CTNND2: variants seen among roughly 807,000 people sequenced by gnomAD.
The protein encoded by CTNND2 is catenin delta 2, also known as catenin delta-2.
Under a neutral mutation model 144.4 loss-of-function variants are expected in CTNND2, and 22 were observed. That is an observed-to-expected ratio of 0.15 (90% CI 0.11 to 0.22). CTNND2 has a LOEUF of 0.22. Ranked by LOEUF, CTNND2 falls within the 10% of genes least tolerant of loss-of-function variation. The pLI is 1.00. For missense variants in CTNND2, 1,353 were observed against 1,618.8 expected, an observed-to-expected ratio of 0.84 and a Z score of 2.82; for synonymous variants, 751 against 695.6, an observed-to-expected ratio of 1.08 and a Z score of -1.25.
chr5:11,871,707 G>A (rs1271256294), intron 1 of CTNND2, among the ~76,000 whole-genome samples: 1 of 151,994 alleles, frequency 6.6e-6, no homozygotes, highest in Admixed American at 6.6e-5. Context: ...TCATAATGTT[G>A]TTCATATTTT....
chr5:11,003,816 C>T (rs1309370401), intron 18 of CTNND2, among the ~76,000 whole-genome samples: 1 of 152,124 alleles, frequency 6.6e-6, no homozygotes, highest in African/African-American at 2.4e-5. Flanking sequence ...CAAATAAATA[C>T]CACCTGACAT....
At chr5:11,899,545 G>C (rs1311918647) in intron 1 of CTNND2, among the ~76,000 whole-genome samples, 1 of 152,076 alleles carries the variant, frequency 6.6e-6, no homozygotes, top group Admixed American at 6.6e-5. Context: ...ATTACAATAG[G>C]GGTTGGGGTA....
At chr5:11,036,121 C>T (rs997806381) in intron 16 of CTNND2, among the ~76,000 whole-genome samples, 3 of 150,894 alleles carry the variant, frequency 2.0e-5, no homozygotes, top group Non-Finnish European at 4.4e-5. Context: ...TACTTGATAT[C>T]GTGTTAATTT....
chr5:11,019,478 T>A (rs1406890674), intron 17 of CTNND2, among the ~76,000 whole-genome samples: 1 of 152,234 alleles, frequency 6.6e-6, no homozygotes, highest in Non-Finnish European at 1.5e-5. Context: ...AGTTTTTGTT[T>A]CTATCTTTTG....
intron 21 of CTNND2, 128 bp downstream of exon 21, chr5:10,981,644 GC>G: frequency 1.2e-6 from 1 of 813,702 alleles, no homozygotes. Context: ...TGAGGAGAGG[GC>G]CTCAGGGGAC....
chr5:11,173,929 G>A (rs1760200369), intron 11 of CTNND2, among the ~76,000 whole-genome samples: 1 of 152,200 alleles, frequency 6.6e-6, no homozygotes, highest in East Asian at 1.9e-4. Flanking sequence ...AGAACAGGCT[G>A]AAGTGCGGTG....
At chr5:11,569,828 A>G (rs1330637663) in intron 2 of CTNND2, among the ~76,000 whole-genome samples, 3 of 152,150 alleles carry the variant, frequency 2.0e-5, no homozygotes, top group Non-Finnish European at 4.4e-5. Context: ...TGAGGGTATT[A>G]GGAGTTAGGG....
At chr5:11,101,939 C>A (rs964565299) in intron 14 of CTNND2, among the ~76,000 whole-genome samples, 8 of 130,888 alleles carry the variant, frequency 6.1e-5, no homozygotes, top group African/African-American at 2.6e-4. Flanking sequence ...ATCTTCACTC[C>A]TCAGGTTGCA....
At chr5:11,257,281 G>C (rs900334531) in intron 9 of CTNND2, among the ~76,000 whole-genome samples, 2 of 152,138 alleles carry the variant, frequency 1.3e-5, no homozygotes, top group African/African-American at 4.8e-5. Context: ...GCACCTAAGT[G>C]AATGATTAGC....
intron 2 of CTNND2, among the ~76,000 whole-genome samples, chr5:11,702,953 G>A (rs943898344): frequency 7.9e-5 from 12 of 152,088 alleles, no homozygotes; most frequent in South Asian, 2.1e-4. Flanking sequence ...ACCAACATCC[G>A]CAACACTCAG....
At chr5:11,325,591 TA>T (rs1293677396) in intron 9 of CTNND2, among the ~76,000 whole-genome samples, 1 of 152,160 alleles carries the variant, frequency 6.6e-6, no homozygotes, top group Non-Finnish European at 1.5e-5. Context: ...TATCAATCTC[TA>T]AACCTAAGAT....
chr5:11,072,666 G>A (rs962014230), intron 16 of CTNND2, among the ~76,000 whole-genome samples: 2 of 152,208 alleles, frequency 1.3e-5, no homozygotes, highest in African/African-American at 4.8e-5. Context: ...AGTCTGGCAG[G>A]ATGAACAACA....
At chr5:11,232,967 A>G (rs1741206875) in intron 10 of CTNND2, among the ~76,000 whole-genome samples, 1 of 152,102 alleles carries the variant, frequency 6.6e-6, no homozygotes, top group South Asian at 2.1e-4. Flanking sequence ...TGGTTTTATA[A>G]GTGTCTGGCA....
chr5:11,579,147 C>CTT (rs57335413), intron 2 of CTNND2, among the ~76,000 whole-genome samples: 17 of 137,682 alleles, frequency 1.2e-4, no homozygotes, highest in African/African-American at 2.6e-4. Flanking sequence ...AGTTCCTTTC[C>CTT]TTTTTTTTTT....
intron 12 of CTNND2, among the ~76,000 whole-genome samples, chr5:11,147,500 G>A (rs1191255517): frequency 6.6e-6 from 1 of 152,142 alleles, no homozygotes. Flanking sequence ...CATGAGGCTG[G>A]AGACTTGCAG....
chr5:11,759,810 A>T (rs975221996), intron 1 of CTNND2, among the ~76,000 whole-genome samples: 1 of 152,110 alleles, frequency 6.6e-6, no homozygotes, highest in African/African-American at 2.4e-5. Flanking sequence ...TACTTCTATT[A>T]TTATCCTCTT....
At chr5:11,109,939 A>C (rs1752790964) in intron 14 of CTNND2, among the ~76,000 whole-genome samples, 1 of 152,180 alleles carries the variant, frequency 6.6e-6, no homozygotes, top group African/African-American at 2.4e-5. Context: ...TATCATCTAT[A>C]CCTATATCTA....
rs189376052 is a variant in CTNND2 at position 11,235,564 on chromosome 5, G to T, written c.1761+1127C>A. Among the ~76,000 whole-genome samples, 734 of 152,260 alleles carry T rather than the reference G, an allele frequency of 4.8e-3. 5 individuals are homozygous for T. The highest frequency in any genetic ancestry group is 0.017 in the African/African-American group (701 of 41,528). ...GCTGGGTGATTCTCTTGAGGGGGCT[G>T]CCCTGCACTTTCTGGGATGTTTGGC... On this transcript the variant is annotated intron_variant, in intron 10 of 21. Transcript: ENST00000304623.
chr5:11,727,723 G>T (rs1232675269), intron 2 of CTNND2, among the ~76,000 whole-genome samples: 1 of 151,942 alleles, frequency 6.6e-6, no homozygotes, highest in Non-Finnish European at 1.5e-5. Context: ...CCTTTCCTAA[G>T]GTGTTATAAC....
Sources: gnomAD v4.1 joint callset for allele counts (sites outside exome capture counted in the v4.1 genomes callset) on GRCh38, gnomAD v4.1.1 for gene constraint, MANE v1.5 for transcripts, NCBI Gene and HGNC (gene_info 2026-07-23, HGNC 2026-07-21) for gene names.